Variants in KCNG3 observed in about 807,000 individuals in gnomAD.
KCNG3 encodes the protein voltage-gated potassium channel regulatory subunit KCNG3.
KCNG3 carries 15 observed loss-of-function variants against 29.0 expected under a neutral mutation model. That is an observed-to-expected ratio of 0.52 (90% CI 0.35 to 0.80). KCNG3 has a LOEUF of 0.80. Ranked by LOEUF, KCNG3 falls within the 30% of genes least tolerant of loss-of-function variation. KCNG3 has a pLI of 0.01. For missense variants in KCNG3, 512 were observed against 605.7 expected (o/e 0.85, Z 1.62); for synonymous variants, 322 against 248.9 (o/e 1.29, Z -2.76).
intron 1 of KCNG3, among the ~76,000 whole-genome samples, chr2:42,461,144 C>A (rs1292072812): frequency 1.7e-5 from 2 of 120,768 alleles, no homozygotes; most frequent in Non-Finnish European, 3.2e-5. Flanking sequence ...CTGGGTGACA[C>A]AGCAAGACTC....
At chr2:42,397,256 A>AG in the KCNG3 span, among the ~76,000 whole-genome samples, 1 of 151,902 alleles carries the variant, frequency 6.6e-6, no homozygotes, top group Admixed American at 6.6e-5. Flanking sequence ...AAAAAAAAAA[A>AG]GAGAAAAAAA....
At chr2:42,436,331 T>C in the KCNG3 span, among the ~76,000 whole-genome samples, 1 of 152,222 alleles carries the variant, frequency 6.6e-6, no homozygotes, top group African/African-American at 2.4e-5. Context: ...TATAAATATA[T>C]TAAAAACCAC....
rs566439810 is a variant in KCNG3 at position 42,469,345 on chromosome 2, A to G, written c.665+23492T>C. Among the ~76,000 whole-genome samples the G allele has an allele frequency of 9.3e-5, 14 of 150,094 alleles. No individual in the cohort carries two copies. The East Asian group carries it at 2.8e-3, about 29-fold the overall frequency. On this transcript the variant is annotated intron_variant, in intron 1 of 1. Coordinates refer to ENST00000306078, the MANE Select transcript of KCNG3 (RefSeq NM_133329.6). The stretch of plus-strand genomic sequence containing the variant: ...GGCAGAAGAATCGCTTGAACCCAAG[A>G]GGCGGAGGTTGCAGAGAGCCAAGAT...
the KCNG3 span, among the ~76,000 whole-genome samples, chr2:42,418,021 A>G: frequency 8.1e-4 from 123 of 151,842 alleles, no homozygotes; most frequent in Non-Finnish European, 1.3e-3. Flanking sequence ...AATAAAATAT[A>G]TATATACTGA....
the KCNG3 span, among the ~76,000 whole-genome samples, chr2:42,406,870 T>C: frequency 2.0e-5 from 3 of 151,122 alleles, no homozygotes; most frequent in Non-Finnish European, 3.0e-5. Context: ...TTTACAAATA[T>C]AGTGTGATTT....
At chr2:42,461,238 TAA>T (rs1320416159) in intron 1 of KCNG3, among the ~76,000 whole-genome samples, 1 of 134,080 alleles carries the variant, frequency 7.5e-6, no homozygotes, top group East Asian at 2.5e-4. Context: ...CTAATTTACA[TAA>T]AGAATTTCAT....
chr2:42,465,223 T>TTC (rs913244035), intron 1 of KCNG3, among the ~76,000 whole-genome samples: 2 of 146,304 alleles, frequency 1.4e-5, no homozygotes, highest in African/African-American at 2.5e-5. Context: ...CTTTCTTTCT[T>TTC]TTTTTTTTTT....
At chr2:42,489,129 G>C (rs1405937861) in intron 1 of KCNG3, among the ~76,000 whole-genome samples, 1 of 148,670 alleles carries the variant, frequency 6.7e-6, no homozygotes, top group African/African-American at 2.5e-5. Flanking sequence ...ACCCCATATC[G>C]AACTCCTGAC....
At chr2:42,488,636 G>A (rs1171381987) in intron 1 of KCNG3, among the ~76,000 whole-genome samples, 2 of 150,084 alleles carry the variant, frequency 1.3e-5, no homozygotes. Flanking sequence ...TGCAACCTCC[G>A]CCTCCCAGGT....
At chr2:42,462,029 C>T (rs1431645166) in intron 1 of KCNG3, among the ~76,000 whole-genome samples, 8 of 152,108 alleles carry the variant, frequency 5.3e-5, no homozygotes, top group Non-Finnish European at 1.2e-4. Flanking sequence ...AATTACAGCA[C>T]TTGAAGGGGA....
intron 1 of KCNG3, among the ~76,000 whole-genome samples, chr2:42,455,083 T>C (rs1672846888): frequency 6.6e-6 from 1 of 152,218 alleles, no homozygotes; most frequent in Non-Finnish European, 1.5e-5. Context: ...AGCAAACATA[T>C]GAGCAGTGAT....
At chr2:42,413,525 T>C in the KCNG3 span, among the ~76,000 whole-genome samples, 2 of 152,236 alleles carry the variant, frequency 1.3e-5, no homozygotes, top group Admixed American at 6.5e-5. Flanking sequence ...AGAAGTTATA[T>C]ATTCTATTTC....
In KCNG3 at chr2:42,444,637, T is replaced by A; in HGVS notation, c.666-58A>T. 5.5e-6 allele frequency: 8 copies of A among 1,464,030 alleles called. No homozygotes were observed. Among genetic ancestry groups the A allele is most frequent in the Non-Finnish European group, 5.6e-6 (6 of 1,074,188 alleles). 90.7% of individuals were successfully genotyped at this position (1,464,030 alleles called of 1,614,324 possible). ...TTATTTTTAAGCATTTTAATAGCTC[T>A]TAGATTTCTTCAGATAGTACTACAC... On this transcript the variant is annotated intron_variant, in intron 1 of 1. Coordinates refer to ENST00000306078, the MANE Select transcript of KCNG3 (RefSeq NM_133329.6). This position sits in a 1 kb window ranked among gnomAD's most constrained non-coding sequence, Gnocchi z 5.8.
downstream of KCNG3, among the ~76,000 whole-genome samples, chr2:42,441,279 T>C (rs1672474018): frequency 6.6e-6 from 1 of 151,950 alleles, no homozygotes; most frequent in South Asian, 2.1e-4. Context: ...TCCTAGCAAC[T>C]TGGGAGGCTG....
At chr2:42,417,053 AG>A in the KCNG3 span, among the ~76,000 whole-genome samples, 1 of 152,104 alleles carries the variant, frequency 6.6e-6, no homozygotes, top group Non-Finnish European at 1.5e-5. Flanking sequence ...GTTGGAGACC[AG>A]CCTGGCCAAC....
At chr2:42,410,458 T>C in the KCNG3 span, among the ~76,000 whole-genome samples, 1 of 152,196 alleles carries the variant, frequency 6.6e-6, no homozygotes, top group East Asian at 1.9e-4. Flanking sequence ...TGGAGTATAT[T>C]ATTAAACTTT....
chr2:42,483,506 A>G (rs1673643031), intron 1 of KCNG3, among the ~76,000 whole-genome samples: 1 of 152,206 alleles, frequency 6.6e-6, no homozygotes, highest in South Asian at 2.1e-4. Context: ...CATGGGAATC[A>G]GAGCCCAGGG....
chr2:42,420,701 A>G, the KCNG3 span, among the ~76,000 whole-genome samples: 1 of 152,174 alleles, frequency 6.6e-6, no homozygotes, highest in South Asian at 2.1e-4. Context: ...AGGCAGGGAG[A>G]ATCACTTGAA....
chr2:42,406,091 T>C, the KCNG3 span, among the ~76,000 whole-genome samples: 10 of 152,172 alleles, frequency 6.6e-5, no homozygotes, highest in Admixed American at 1.3e-4. Context: ...TTCAATATTG[T>C]TGTTTACTAG....
Sources: gnomAD v4.1 joint callset for allele counts (sites outside exome capture counted in the v4.1 genomes callset) on GRCh38, gnomAD v4.1.1 for gene constraint, Gnocchi (gnomAD v3.1) non-coding constraint, MANE v1.5 for transcripts, NCBI Gene and HGNC (gene_info 2026-07-23, HGNC 2026-07-21) for gene names.